The following USP30 variants were observed in gnomAD, a reference collection of about 807,000 sequenced individuals.
USP30 encodes the protein ubiquitin carboxyl-terminal hydrolase 30.
Under a neutral mutation model 68.2 loss-of-function variants are expected in USP30, and 41 were observed. The observed-to-expected ratio is 0.60, with a 90% CI of 0.47 to 0.78. The LOEUF (loss-of-function observed/expected upper bound fraction) is 0.78. Among genes scored for constraint, USP30 ranks in the 30% least tolerant of loss-of-function variants. The pLI is 0.00. For missense variants in USP30, 522 were observed against 649.4 expected (o/e 0.80, Z 2.13); for synonymous variants, 229 against 253.7 (o/e 0.90, Z 0.93).
chr12:109,055,377 TAC>T (rs2040815105), intron 1 of USP30, among the ~76,000 whole-genome samples: 2 of 58,598 alleles, frequency 3.4e-5, no homozygotes, highest in African/African-American at 1.1e-4. Context: ...CACATATATA[TAC>T]ATATATATAT....
chr12:109,047,429 A>G (rs2040615451), intron 3 of USP30, among the ~76,000 whole-genome samples: 1 of 152,182 alleles, frequency 6.6e-6, no homozygotes, highest in African/African-American at 2.4e-5. Context: ...TGATTTTGAG[A>G]CATTTATTAT....
chr12:109,045,562 C>T (rs1181047876), intron 3 of USP30, among the ~76,000 whole-genome samples: 1 of 152,164 alleles, frequency 6.6e-6, no homozygotes, highest in Non-Finnish European at 1.5e-5. Context: ...GTCACAAACC[C>T]ACAGTATGAC....
Position 109,072,258 on chromosome 12 carries a change from G to A in USP30, c.580-47G>A, listed in dbSNP as rs1301385254. The stretch of plus-strand genomic sequence containing the variant: ...GGGGTGGGGTGAGGGTGGTGAAAGG[G>A]ATTATAGTAAGGTTTTCAGTCTGTT... On this transcript the variant is annotated intron_variant, in intron 5 of 12. Coordinates refer to ENST00000257548, the MANE Select transcript of USP30 (RefSeq NM_032663.5). The A allele has an allele frequency of 1.9e-6, 3 of 1,569,510 alleles. No individual in the cohort carries two copies. In the East Asian group the frequency reaches 6.7e-5, roughly 35 times the overall value.
At chr12:109,051,071 G>A (rs187545775), upstream of USP30, among the ~76,000 whole-genome samples, 3 of 151,664 alleles carry the variant, frequency 2.0e-5, no homozygotes, top group African/African-American at 4.8e-5. Context: ...TTTGTTTTTC[G>A]GTAGCCATGG....
intron 1 of USP30, among the ~76,000 whole-genome samples, chr12:109,055,400 A>ATATATATATATATATATATTTTTTT (rs1298811530): frequency 8.2e-5 from 2 of 24,464 alleles, no homozygotes; most frequent in Non-Finnish European, 1.7e-4. Context: ...ATATATATAT[A>ATATATATATATATATATATTTTTTT]TTTTTTTTTT....
chr12:109,071,395 C>T (rs1378936842), intron 4 of USP30, among the ~76,000 whole-genome samples: 1 of 152,228 alleles, frequency 6.6e-6, no homozygotes, highest in Non-Finnish European at 1.5e-5. Context: ...AGCCACCTGG[C>T]TTTCTCTCCT....
intron 11 of USP30, 91 bp from the exon 12 acceptor site, chr12:109,084,862 A>T: frequency 7.3e-7 from 1 of 1,367,844 alleles, no homozygotes; most frequent in Admixed American, 2.6e-5. Context: ...TTGTAGCATT[A>T]TGGGGAGTTA....
At chr12:109,062,793 C>T (rs2135738846) in intron 3 of USP30, among the ~76,000 whole-genome samples, 1 of 152,278 alleles carries the variant, frequency 6.6e-6, no homozygotes, top group East Asian at 1.9e-4. Flanking sequence ...TGTTGTGCAG[C>T]AGTCACGGCC....
intron 3 of USP30, among the ~76,000 whole-genome samples, chr12:109,038,006 T>C (rs1004004256): frequency 1.3e-5 from 2 of 152,184 alleles, no homozygotes; most frequent in African/African-American, 2.4e-5. Flanking sequence ...GATTTTCTTT[T>C]TTTTTCTTCC....
rs2041405266 is a variant in USP30, at chr12:109,070,498, G to C, written c.481-1114G>C. ...GAACAGCAAAGAGGCCAGGGGCCGG[G>C]ACATTGTGAATGTTGGGGGCTTTGT... On this transcript the variant is annotated intron_variant, in intron 4 of 12. Transcript: ENST00000257548. This position sits in a 1 kb window ranked among gnomAD's most constrained non-coding sequence, Gnocchi z 4.0. 6.6e-6 allele frequency among the ~76,000 whole-genome samples: 1 copy of C among 152,236 alleles called. No individual in the cohort carries two copies. Among genetic ancestry groups the C allele is most frequent in the African/African-American group, 2.4e-5 (1 of 41,452 alleles).
chr12:109,028,405 T>C (rs890517671), intron 3 of USP30, among the ~76,000 whole-genome samples: 2 of 151,998 alleles, frequency 1.3e-5, no homozygotes, highest in African/African-American at 4.8e-5. Context: ...AGAGTCATGA[T>C]GGAAGGTGAA....
chr12:109,085,836 C>G lies in USP30; in HGVS notation c.1459C>G (p.Gln487Glu), dbSNP rs756832558. 66 of 1,614,142 alleles carry G rather than the reference C, an allele frequency of 4.1e-5. No homozygotes were observed. The highest frequency in any genetic ancestry group is 5.4e-5 in the Non-Finnish European group (64 of 1,180,056). Residue 487 changes from glutamine (Q) to glutamate (E), a missense_variant, in exon 13 of 13, where the codon CAG (glutamine) becomes GAG (glutamate). Transcript: ENST00000257548. ...TGACACTGTCCGCAAGGCCAGCCTG[C>G]AGGAGGTCCTGTCCTCCAGCGCCTA... is the stretch of plus-strand genomic sequence containing the variant. ...SDDTVRKASL[Q>E]EVLSSSAYLL...
At chr12:109,064,824 C>T (rs1046209853) in intron 3 of USP30, among the ~76,000 whole-genome samples, 2 of 150,406 alleles carry the variant, frequency 1.3e-5, no homozygotes, top group Non-Finnish European at 2.9e-5. Context: ...GTATTTTAGA[C>T]AAAGTTGGGT....
chr12:109,053,769 A>G (rs1417425106), intron 1 of USP30: 1 of 286,442 alleles, frequency 3.5e-6, no homozygotes, highest in African/African-American at 2.2e-5. Flanking sequence ...TTGCAGAGGA[A>G]TGGAGTTTCC....
chr12:109,067,495 A>G, intron 3 of USP30, 29 bp from the exon 4 acceptor site: 1 of 1,588,900 alleles, frequency 6.3e-7, no homozygotes, highest in South Asian at 1.1e-5. Context: ...TGATGAATTT[A>G]ATAATTGTCT....
At position 109,073,539 on chromosome 12, in the gene USP30, A is replaced by G; in HGVS notation, c.720+7A>G. Reference sequence around the variant, plus strand: ...CAAACACTGTGAACACCAGGTAAATACAATACCAACACTTGATATTTCCGG... The same window carrying G: ...CAAACACTGTGAACACCAGGTAAATGCAATACCAACACTTGATATTTCCGG... On this transcript the variant is annotated splice_region_variant and intron_variant, in intron 7 of 12. Transcript: ENST00000257548. 1 of 1,602,192 alleles carries G rather than the reference A, an allele frequency of 6.2e-7. No homozygotes were observed. Among genetic ancestry groups the G allele is most frequent in the Non-Finnish European group, 8.6e-7 (1 of 1,169,156 alleles).
chr12:109,049,172 G>C (rs551140974), upstream of USP30, among the ~76,000 whole-genome samples: 2 of 152,148 alleles, frequency 1.3e-5, no homozygotes, highest in Non-Finnish European at 2.9e-5. Context: ...TAAATGTTTG[G>C]TGCAAGAAGT....
At position 109,027,266 on chromosome 12, in the gene USP30, A is replaced by G. The variant is rs1350245687; in HGVS notation, c.-227-199A>G. ...CTCCTCCCAGCCTCTGGTAACCTCT[A>G]TTCTACTTTCTTTTTTATTTTTATT... On this transcript the variant is annotated intron_variant, in intron 2 of 15. Transcript: ENST00000392784. Among the ~76,000 whole-genome samples, 25 of 151,854 alleles carry G rather than the reference A, an allele frequency of 1.6e-4. 2 individuals carry two copies. The highest frequency in any genetic ancestry group is 1.6e-3 in the Admixed American group (25 of 15,232).
intron 1 of USP30, among the ~76,000 whole-genome samples, chr12:109,055,956 G>C (rs923639778): frequency 1.3e-5 from 2 of 152,148 alleles, no homozygotes; most frequent in Non-Finnish European, 2.9e-5. Context: ...GTTCAGGTAG[G>C]CCTCTTGAGA....
Sources: allele counts gnomAD v4.1 joint callset (sites outside exome capture counted in the v4.1 genomes callset), GRCh38; gene constraint gnomAD v4.1.1; non-coding constraint Gnocchi (gnomAD v3.1); transcripts MANE v1.5; gene names NCBI Gene and HGNC (gene_info 2026-07-23, HGNC 2026-07-21).